The following PCDHA11 variants were observed in gnomAD, a reference collection of about 807,000 sequenced individuals.
PCDHA11 encodes the protein protocadherin alpha 11, also known as protocadherin alpha-11.
Under a neutral mutation model 70.3 loss-of-function variants are expected in PCDHA11, and 61 were observed. That is an observed-to-expected ratio of 0.87 (90% CI 0.71 to 1.07). The LOEUF (loss-of-function observed/expected upper bound fraction) is 1.07, where lower values mean the gene tolerates loss of function less well. Ranked by LOEUF, PCDHA11 falls within the 50% of genes least tolerant of loss-of-function variation. The pLI, the probability that PCDHA11 is intolerant of heterozygous loss-of-function variation, is 0.00. For synonymous variants in PCDHA11, 633 were observed against 555.1 expected (o/e 1.14, Z -1.97); for missense variants, 1,324 against 1,237.5 (o/e 1.07, Z -1.05).
rs782314357 is a variant in PCDHA11 at position 140,927,486 on chromosome 5, C to G, written c.2392-51463C>G. The G allele has an allele frequency of 6.2e-6, 10 of 1,614,128 alleles. No individual in the cohort carries two copies. In the East Asian group the frequency reaches 2.2e-4, roughly 36 times the overall value. ...CACTGGATCGCGAACAGCGCGCCACCCACCTGCTGGTGCTTACAGCTCGGG... is the reference window on the plus strand; with the variant it reads ...CACTGGATCGCGAACAGCGCGCCACGCACCTGCTGGTGCTTACAGCTCGGG... On this transcript the variant is annotated intron_variant, in intron 1 of 3. Coordinates refer to ENST00000398640, the MANE Select transcript of PCDHA11 (RefSeq NM_018902.5).
chr5:140,992,017 C>CTGTGTG (rs10602499), intron 3 of PCDHA11, among the ~76,000 whole-genome samples: 2,290 of 145,594 alleles, frequency 0.016, 56 homozygotes, highest in African/African-American at 0.05. Flanking sequence ...AGAGGTGGCT[C>CTGTGTG]TGTGTGTGTG....
intron 1 of PCDHA11, among the ~76,000 whole-genome samples, chr5:140,944,956 A>T (rs2093715486): frequency 6.6e-6 from 1 of 152,140 alleles, no homozygotes; most frequent in Non-Finnish European, 1.5e-5. Context: ...GAATAAGAGT[A>T]TTATCTTAAC....
chr5:140,988,299 G>A (rs2097291981), intron 3 of PCDHA11, among the ~76,000 whole-genome samples: 2 of 152,218 alleles, frequency 1.3e-5, no homozygotes, highest in Non-Finnish European at 2.9e-5. Context: ...GCCCAGGAGT[G>A]CCAGCTTGGC....
chr5:140,979,006 A>G lies in PCDHA11; in HGVS notation c.2449A>G (p.Ser817Gly), dbSNP rs149397164. ...TGCCTCCCTGAGAGCAGGCATGCAC[A>G]GGTATGTATTTCCCTCCTCATTCAC... ...YSASLRAGMH[S>G]SVHLEEAGIL... Residue 817 changes from serine (S) to glycine (G), a missense_variant and splice_region_variant, in exon 2 of 4, where the codon AGC becomes GGC. Ser to Gly is a moderately conservative substitution (Grantham distance 56). Coordinates refer to ENST00000398640, the MANE Select transcript of PCDHA11 (RefSeq NM_018902.5). The G allele has an allele frequency of 4.3e-6, 7 of 1,614,000 alleles. No individual in the cohort carries two copies. The highest frequency in any genetic ancestry group is 5.1e-6 in the Non-Finnish European group (6 of 1,179,938).
chr5:140,920,403 T>A (rs1440027208), intron 1 of PCDHA11, among the ~76,000 whole-genome samples: 3 of 152,356 alleles, frequency 2.0e-5, no homozygotes, highest in South Asian at 2.1e-4. Context: ...TGTCTTTTTT[T>A]AATCAGATAC....
chr5:140,875,176 A>G, intron 1 of PCDHA11: 1 of 397,444 alleles, frequency 2.5e-6, no homozygotes, highest in Non-Finnish European at 4.2e-6. Context: ...TCGAAACATT[A>G]GAATTAAGAG....
intron 1 of PCDHA11, among the ~76,000 whole-genome samples, chr5:140,948,219 T>G (rs1285446038): frequency 6.6e-6 from 1 of 151,682 alleles, no homozygotes; most frequent in Non-Finnish European, 1.5e-5. Context: ...CAAACATTGT[T>G]AGATTTAACT....
At chr5:140,926,860 C>T in intron 1 of PCDHA11, 1 of 1,521,078 alleles carries the variant, frequency 6.6e-7, no homozygotes, top group Non-Finnish European at 8.8e-7. Flanking sequence ...GTTGGTGTAG[C>T]GTGTTGGTGG....
chr5:140,882,739 A>C (rs781997612), intron 1 of PCDHA11: 1 of 1,614,142 alleles, frequency 6.2e-7, no homozygotes, highest in East Asian at 2.2e-5. Flanking sequence ...TAGATGGCGC[A>C]TCCGATGCAG....
chr5:140,881,505 CACAT>C (rs2058738073), intron 1 of PCDHA11: 1 of 242,822 alleles, frequency 4.1e-6, no homozygotes, highest in African/African-American at 2.3e-5. Flanking sequence ...TACACACACT[CACAT>C]ACAAAATCCC....
chr5:140,901,557 A>G (rs782333756), intron 1 of PCDHA11, among the ~76,000 whole-genome samples: 4 of 152,034 alleles, frequency 2.6e-5, no homozygotes, highest in Non-Finnish European at 5.9e-5. Context: ...CCATTCATCT[A>G]TGTGTCTGTT....
At chr5:140,962,817 G>A (rs555403742) in intron 1 of PCDHA11, among the ~76,000 whole-genome samples, 2 of 152,202 alleles carry the variant, frequency 1.3e-5, no homozygotes, top group South Asian at 4.1e-4. Flanking sequence ...CATCAGAGAT[G>A]ACCATTTGTC....
chr5:140,929,225 C>T (rs1249117880), intron 1 of PCDHA11: 2 of 1,613,724 alleles, frequency 1.2e-6, no homozygotes, highest in Non-Finnish European at 1.7e-6. Flanking sequence ...TACAATGCTG[C>T]CGACCTGCGA....
At position 140,869,813 on chromosome 5, in the gene PCDHA11, A is replaced by T. The variant is rs782789559; in HGVS notation, c.710A>T (p.Asp237Val). Residue 237 changes from aspartate (D) to valine (V), a missense_variant, in exon 1 of 4, where the codon GAC becomes GTC. Asp to Val is a radical substitution (Grantham distance 152, BLOSUM62 -3). Transcript: ENST00000398640. Reference sequence around the variant, plus strand: ...TTAGTCCAAGTCTTGGATGTCAACGACAATGATCCAGAGTTTGATAAATCA... The same window carrying T: ...TTAGTCCAAGTCTTGGATGTCAACGTCAATGATCCAGAGTTTGATAAATCA... ...RLLVQVLDVNDNDPEFDKSEY... is the reference protein window; with the variant it reads ...RLLVQVLDVNVNDPEFDKSEY... The T allele has an allele frequency of 3.1e-6, 5 of 1,612,416 alleles. No individual in the cohort carries two copies. The South Asian group carries it at 5.5e-5, about 18-fold the overall frequency.
chr5:140,928,426 T>G (rs1563104997), intron 1 of PCDHA11: 2 of 1,614,134 alleles, frequency 1.2e-6, no homozygotes, highest in Non-Finnish European at 1.7e-6. Context: ...TGCCAAAACT[T>G]CCTTTGACTT....
At chr5:140,999,426 A>G (rs1456581917) in intron 3 of PCDHA11, among the ~76,000 whole-genome samples, 2 of 152,204 alleles carry the variant, frequency 1.3e-5, no homozygotes, top group Middle Eastern at 3.2e-3. Context: ...TAAGAGGCCA[A>G]GTACCTTGCC....
At chr5:140,893,879 G>A (rs747246517) in intron 1 of PCDHA11, among the ~76,000 whole-genome samples, 26 of 152,060 alleles carry the variant, frequency 1.7e-4, no homozygotes, top group Admixed American at 4.6e-4. Flanking sequence ...GATCCAAAGT[G>A]GCCAGAAAGT....
At chr5:140,988,989 G>C (rs981946293) in intron 3 of PCDHA11, 1 of 152,184 alleles carries the variant, frequency 6.6e-6, no homozygotes, top group Admixed American at 6.5e-5. Flanking sequence ...CTAATGCAGG[G>C]TAAGGAAATA....
chr5:140,892,408 G>C (rs1323060042), intron 1 of PCDHA11, among the ~76,000 whole-genome samples: 1 of 152,054 alleles, frequency 6.6e-6, no homozygotes, highest in Non-Finnish European at 1.5e-5. Context: ...TCAAGCTTCA[G>C]GTATTCTAGA....
Sources: gnomAD v4.1 joint callset for allele counts (sites outside exome capture counted in the v4.1 genomes callset) on GRCh38, gnomAD v4.1.1 for gene constraint, MANE v1.5 for transcripts, NCBI Gene and HGNC (gene_info 2026-07-23, HGNC 2026-07-21) for gene names.